The following P2RY14 variants were observed in gnomAD, a reference collection of about 807,000 sequenced individuals.
P2RY14 encodes the protein P2Y purinoceptor 14.
A neutral mutation model predicts 0.9 loss-of-function variants in P2RY14; 2 were observed. The ratio of observed to expected loss-of-function variants is 2.16; its 90% CI spans 0.88 to 6.79. The LOEUF is 6.79. Among genes scored for constraint, P2RY14 ranks in the 30% most tolerant of loss-of-function variants. The pLI is 0.05. For missense variants in P2RY14, 378 were observed against 400.1 expected, an observed-to-expected ratio of 0.94 and a Z score of 0.47; for synonymous variants, 158 against 147.2, an observed-to-expected ratio of 1.07 and a Z score of -0.53.
chr3:151,224,793 A>C (rs1411287743), intron 1 of P2RY14, among the ~76,000 whole-genome samples: 2 of 151,806 alleles, frequency 1.3e-5, no homozygotes, highest in Non-Finnish European at 2.9e-5. Flanking sequence ...CTATTTCCTG[A>C]CCCTCTTTGC....
chr3:151,220,419 T>A (rs1248855221), intron 1 of P2RY14, among the ~76,000 whole-genome samples: 1 of 152,252 alleles, frequency 6.6e-6, no homozygotes, highest in Non-Finnish European at 1.5e-5. Context: ...CCTGGGATCT[T>A]GCTAAAATGA....
chr3:151,261,798 C>A (rs1414013302), intron 1 of P2RY14, among the ~76,000 whole-genome samples: 1 of 152,106 alleles, frequency 6.6e-6, no homozygotes, highest in Non-Finnish European at 1.5e-5. Flanking sequence ...GATCTTGGCG[C>A]ACTATAACCT....
At chr3:151,232,997 C>T (rs2149335093) in intron 1 of P2RY14, among the ~76,000 whole-genome samples, 1 of 152,276 alleles carries the variant, frequency 6.6e-6, no homozygotes, top group African/African-American at 2.4e-5. Context: ...ATTCTTCTAA[C>T]AGCTATTACC....
At chr3:151,237,629 G>A (rs549406329) in intron 1 of P2RY14, among the ~76,000 whole-genome samples, 3 of 152,180 alleles carry the variant, frequency 2.0e-5, no homozygotes, top group African/African-American at 7.2e-5. Flanking sequence ...GGGATTACAG[G>A]TGTGAGCCAC....
At chr3:151,242,320 A>G (rs572263966) in intron 1 of P2RY14, among the ~76,000 whole-genome samples, 87 of 152,360 alleles carry the variant, frequency 5.7e-4, no homozygotes, top group African/African-American at 2.0e-3. Context: ...CTCTGGGGGC[A>G]GGGCACAGAC....
rs537505957 is a variant in P2RY14, at chr3:151,249,596, G to A, written c.-133+28691C>T. The stretch of plus-strand genomic sequence containing the variant: ...TCCTCTAGACTTATCCTGGTCTAGG[G>A]ATGGACTTGATGCATGCCAGTACCT... On this transcript the variant is annotated intron_variant, in intron 1 of 2. Coordinates refer to ENST00000309170, the MANE Select transcript of P2RY14 (RefSeq NM_014879.4). Among the ~76,000 whole-genome samples the A allele has an allele frequency of 8.7e-4, 133 of 152,244 alleles. 2 individuals are homozygous for A. The highest frequency in any genetic ancestry group is 3.4e-3 in the Middle Eastern group (1 of 294).
chr3:151,252,810 A>G (rs996158185), intron 1 of P2RY14, among the ~76,000 whole-genome samples: 6 of 152,146 alleles, frequency 3.9e-5, no homozygotes, highest in East Asian at 1.9e-4. Flanking sequence ...ACTTATCTAG[A>G]AAACCTTGAG....
intron 1 of P2RY14, among the ~76,000 whole-genome samples, chr3:151,246,741 A>C (rs1410801892): frequency 1.3e-5 from 2 of 152,230 alleles, no homozygotes; most frequent in African/African-American, 4.8e-5. Flanking sequence ...CACCAAAAGC[A>C]ATGGCCACAA....
chr3:151,258,778 G>A (rs1364721840), intron 1 of P2RY14, among the ~76,000 whole-genome samples: 1 of 151,632 alleles, frequency 6.6e-6, no homozygotes, highest in Non-Finnish European at 1.5e-5. Flanking sequence ...CTTGAACTTG[G>A]GAGGTGGAGG....
At chr3:151,244,435 A>G (rs994026759) in intron 1 of P2RY14, among the ~76,000 whole-genome samples, 1 of 140,684 alleles carries the variant, frequency 7.1e-6, no homozygotes, top group Non-Finnish European at 1.6e-5. Context: ...CCACAGTGCA[A>G]TCAAACTAGA....
chr3:151,261,979 G>A (rs1400013313), intron 1 of P2RY14, among the ~76,000 whole-genome samples: 1 of 152,022 alleles, frequency 6.6e-6, no homozygotes, highest in Admixed American at 6.6e-5. Flanking sequence ...GACCCGCCTC[G>A]GCCTCCCAGT....
chr3:151,241,272 C>G (rs1306647116), intron 1 of P2RY14, among the ~76,000 whole-genome samples: 1 of 152,080 alleles, frequency 6.6e-6, no homozygotes, highest in Non-Finnish European at 1.5e-5. Context: ...AATGGCAATA[C>G]CAAAGGTTAT....
intron 1 of P2RY14, among the ~76,000 whole-genome samples, chr3:151,249,765 G>C (rs1439941799): frequency 6.6e-6 from 1 of 152,120 alleles, no homozygotes; most frequent in Non-Finnish European, 1.5e-5. Flanking sequence ...TGATCCCAAT[G>C]CCTGGATATT....
intron 1 of P2RY14, among the ~76,000 whole-genome samples, chr3:151,246,908 G>C (rs138166725): frequency 3.6e-4 from 54 of 152,028 alleles, no homozygotes; most frequent in Admixed American, 2.4e-3. Context: ...ACAATGAACT[G>C]AAACAAATTT....
intron 1 of P2RY14, among the ~76,000 whole-genome samples, chr3:151,245,414 A>G (rs1277120922): frequency 1.5e-4 from 23 of 149,196 alleles, no homozygotes; most frequent in African/African-American, 5.7e-4. Context: ...CAAAAAGCTT[A>G]TCCACCATGA....
chr3:151,233,652 G>C (rs1732156327), intron 1 of P2RY14, among the ~76,000 whole-genome samples: 1 of 152,252 alleles, frequency 6.6e-6, no homozygotes, highest in African/African-American at 2.4e-5. Context: ...AGAATCACTT[G>C]AACCCGGGAG....
chr3:151,243,413 A>C (rs1559927260), intron 1 of P2RY14, among the ~76,000 whole-genome samples: 2 of 35,518 alleles, frequency 5.6e-5, no homozygotes, highest in African/African-American at 5.6e-4. Context: ...CTAACAGCGG[A>C]TCTCTCGGCA....
intron 1 of P2RY14, among the ~76,000 whole-genome samples, chr3:151,238,394 G>A (rs1733374115): frequency 6.6e-6 from 1 of 152,168 alleles, no homozygotes; most frequent in African/African-American, 2.4e-5. Flanking sequence ...TGATCCACCC[G>A]CCTCAGCCTC....
intron 2 of P2RY14, among the ~76,000 whole-genome samples, chr3:151,217,411 G>A (rs1295873700): frequency 6.6e-6 from 1 of 152,188 alleles, no homozygotes; most frequent in Non-Finnish European, 1.5e-5. Context: ...ATGCCCTGGT[G>A]ATATACACCA....
Sources: gnomAD v4.1 joint callset for allele counts (sites outside exome capture counted in the v4.1 genomes callset) on GRCh38, gnomAD v4.1.1 for gene constraint, MANE v1.5 for transcripts, NCBI Gene and HGNC (gene_info 2026-07-23, HGNC 2026-07-21) for gene names.